Variants in ELAVL4 observed in about 807,000 individuals in gnomAD.
ELAVL4 encodes the protein ELAV-like protein 4.
ELAVL4 carries 1 observed loss-of-function variant against 35.6 expected under a neutral mutation model. The ratio of observed to expected loss-of-function variants is 0.03; its 90% confidence interval spans 0.01 to 0.13. ELAVL4 has a LOEUF of 0.13. ELAVL4 is among the 10% of genes least tolerant of loss of function. The pLI is 1.00. For missense variants in ELAVL4, 267 were observed against 464.9 expected (o/e 0.57, Z 3.91); for synonymous variants, 156 against 171.0 (o/e 0.91, Z 0.69).
chr1:50,139,953 G>A (rs1056030989), intron 1 of ELAVL4, among the ~76,000 whole-genome samples: 18 of 152,154 alleles, frequency 1.2e-4, no homozygotes, highest in Admixed American at 2.6e-4. Context: ...GAGTGCCTAC[G>A]TTATTGTGCA....
At chr1:50,092,994 A>G (rs1419419971) in intron 1 of ELAVL4, among the ~76,000 whole-genome samples, 2 of 152,230 alleles carry the variant, frequency 1.3e-5, no homozygotes, top group Admixed American at 1.3e-4. Context: ...ATAAATTCCC[A>G]GGGCAGGGGA....
intron 1 of ELAVL4, among the ~76,000 whole-genome samples, chr1:50,086,824 T>C (rs1166629872): frequency 6.6e-6 from 1 of 151,520 alleles, no homozygotes; most frequent in Admixed American, 6.6e-5. Flanking sequence ...CAGAGAGGGG[T>C]GGTTGTGTAT....
At chr1:50,135,695 T>G (rs1189503982) in intron 1 of ELAVL4, among the ~76,000 whole-genome samples, 1 of 152,194 alleles carries the variant, frequency 6.6e-6, no homozygotes, top group East Asian at 1.9e-4. Context: ...TCTTTCAGGT[T>G]ATTTGTGCCT....
chr1:50,107,486 G>A (rs1666431471), upstream of ELAVL4, among the ~76,000 whole-genome samples: 1 of 152,004 alleles, frequency 6.6e-6, no homozygotes, highest in Admixed American at 6.6e-5. Flanking sequence ...ACAGCATCTT[G>A]GACAGAATAG....
At chr1:50,107,776 G>T (rs1666461572), upstream of ELAVL4, among the ~76,000 whole-genome samples, 1 of 152,304 alleles carries the variant, frequency 6.6e-6, no homozygotes, top group South Asian at 2.1e-4. Context: ...TAGGTGTGAA[G>T]CATGAACTTC....
At chr1:50,112,776 A>T (rs557864548) in intron 1 of ELAVL4, among the ~76,000 whole-genome samples, 30 of 152,218 alleles carry the variant, frequency 2.0e-4, no homozygotes, top group Non-Finnish European at 2.9e-5. Context: ...CATTCATTCA[A>T]GTCATTCTCC....
chr1:50,113,399 T>C (rs569926898), intron 1 of ELAVL4, among the ~76,000 whole-genome samples: 39 of 152,308 alleles, frequency 2.6e-4, no homozygotes, highest in Non-Finnish European at 4.7e-4. Flanking sequence ...ATTGTCTGTA[T>C]GTACCTCAAG....
At chr1:50,049,784 A>G (rs1663257579) in intron 1 of ELAVL4, among the ~76,000 whole-genome samples, 1 of 151,962 alleles carries the variant, frequency 6.6e-6, no homozygotes, top group Non-Finnish European at 1.5e-5. Flanking sequence ...TCTACTAACT[A>G]CTCTAGAAAT....
chr1:50,087,983 C>T (rs1054916216), intron 1 of ELAVL4, among the ~76,000 whole-genome samples: 6 of 152,210 alleles, frequency 3.9e-5, no homozygotes, highest in Non-Finnish European at 2.9e-5. Context: ...ATTCTGGTTT[C>T]TAGACCCAGT....
chr1:50,119,215 T>TA (rs1203071482), intron 1 of ELAVL4, among the ~76,000 whole-genome samples: 2 of 152,128 alleles, frequency 1.3e-5, no homozygotes, highest in African/African-American at 2.4e-5. Context: ...TGTCTATACA[T>TA]ATTGTATGTG....
At chr1:50,092,438 C>T (rs141647531) in intron 1 of ELAVL4, among the ~76,000 whole-genome samples, 1 of 152,268 alleles carries the variant, frequency 6.6e-6, no homozygotes, top group East Asian at 1.9e-4. Flanking sequence ...ATGAACCCAA[C>T]GGGGGCACCC....
At chr1:50,177,300 T>C in intron 3 of ELAVL4, 108 bp downstream of exon 3, 1 of 818,930 alleles carries the variant, frequency 1.2e-6, no homozygotes, top group Non-Finnish European at 2.0e-6. Context: ...GTTCTTGATT[T>C]ATTCAAAGAA....
At chr1:50,147,282 G>A (rs1673894248) in intron 2 of ELAVL4, among the ~76,000 whole-genome samples, 3 of 152,206 alleles carry the variant, frequency 2.0e-5, no homozygotes, top group Admixed American at 2.0e-4. Flanking sequence ...TCATTTGACA[G>A]CAGTGTTTAA....
At chr1:50,188,696 T>A (rs1682210515) in intron 3 of ELAVL4, among the ~76,000 whole-genome samples, 1 of 152,144 alleles carries the variant, frequency 6.6e-6, no homozygotes, top group Admixed American at 6.5e-5. Flanking sequence ...TGGAACAGAA[T>A]GTGTGCTTCC....
chr1:50,179,458 G>T (rs538901147), intron 3 of ELAVL4: 1 of 151,900 alleles, frequency 6.6e-6, no homozygotes, highest in Admixed American at 6.5e-5. Context: ...TCATATTAAA[G>T]GAAAGAAAAA....
At chr1:50,068,369 T>C (rs946027032) in intron 1 of ELAVL4, among the ~76,000 whole-genome samples, 1 of 152,038 alleles carries the variant, frequency 6.6e-6, no homozygotes, top group African/African-American at 2.4e-5. Context: ...CATATTCTAG[T>C]ATTTTGAAGG....
At chr1:50,089,630 C>T (rs1665403133) in intron 1 of ELAVL4, among the ~76,000 whole-genome samples, 1 of 152,136 alleles carries the variant, frequency 6.6e-6, no homozygotes, top group Admixed American at 6.5e-5. Flanking sequence ...TGGCATGTGT[C>T]TGTGGTCCTG....
At chr1:50,077,023 T>TTC (rs146497523) in intron 1 of ELAVL4, among the ~76,000 whole-genome samples, 1,640 of 147,044 alleles carry the variant, frequency 0.011, 11 homozygotes, top group Middle Eastern at 0.031. Flanking sequence ...AATGGGATGT[T>TTC]TCTCTCTCTC....
chr1:50,093,274 G>C (rs879811274), intron 1 of ELAVL4, among the ~76,000 whole-genome samples: 1 of 152,138 alleles, frequency 6.6e-6, no homozygotes, highest in Non-Finnish European at 1.5e-5. Flanking sequence ...TGAGATTTCT[G>C]GATGGTGGCC....
Sources: allele counts gnomAD v4.1 joint callset (sites outside exome capture counted in the v4.1 genomes callset), GRCh38; gene constraint gnomAD v4.1.1; transcripts MANE v1.5; gene names NCBI Gene and HGNC (gene_info 2026-07-23, HGNC 2026-07-21).